Variants in TASP1 observed in about 807,000 individuals in gnomAD.
The protein encoded by TASP1 is threonine aspartase 1.
In TASP1, 16 loss-of-function variants were observed where a neutral mutation model predicts 56.6. The observed-to-expected ratio is 0.28, with a 90% CI of 0.19 to 0.43. The LOEUF is 0.43. Among genes scored for constraint, TASP1 ranks in the 20% least tolerant of loss-of-function variants. TASP1 has a pLI of 1.00. For synonymous variants in TASP1, 179 were observed against 184.2 expected (o/e 0.97, Z 0.23); for missense variants, 393 against 511.6 (o/e 0.77, Z 2.24).
At chr20:13,553,873 A>G (rs550153472) in intron 8 of TASP1, among the ~76,000 whole-genome samples, 11 of 152,288 alleles carry the variant, frequency 7.2e-5, no homozygotes, top group African/African-American at 2.6e-4. Context: ...CAATGTGTCT[A>G]TCCTCAAGCC....
At chr20:13,227,960 T>C in the TASP1 span, among the ~76,000 whole-genome samples, 1 of 85,642 alleles carries the variant, frequency 1.2e-5, no homozygotes, top group Non-Finnish European at 2.4e-5. Context: ...TGCTGCTGCC[T>C]TTTTTTTTTT....
the TASP1 span, among the ~76,000 whole-genome samples, chr20:13,227,817 T>C: frequency 1.3e-5 from 2 of 152,046 alleles, no homozygotes; most frequent in African/African-American, 4.8e-5. Flanking sequence ...CCCAACTTTT[T>C]AATTTAAATA....
the TASP1 span, among the ~76,000 whole-genome samples, chr20:13,246,272 CA>C: frequency 0.39 from 47,611 of 120,844 alleles, 7,899 homozygotes; most frequent in African/African-American, 0.49. Context: ...GACTCCATCT[CA>C]AAAAAAAAAA....
intron 11 of TASP1, among the ~76,000 whole-genome samples, chr20:13,477,478 T>C (rs540342812): frequency 1.3e-5 from 2 of 151,938 alleles, no homozygotes; most frequent in Admixed American, 6.6e-5. Flanking sequence ...TAAAAAAAAA[T>C]GTACCATGAT....
chr20:13,384,159 A>G, the TASP1 span, among the ~76,000 whole-genome samples: 1 of 152,226 alleles, frequency 6.6e-6, no homozygotes, highest in African/African-American at 2.4e-5. Context: ...CATAATAGCG[A>G]CAGTAAAGGT....
At chr20:13,366,341 T>C in the TASP1 span, among the ~76,000 whole-genome samples, 2 of 151,966 alleles carry the variant, frequency 1.3e-5, no homozygotes, top group African/African-American at 4.8e-5. Flanking sequence ...ACAGAAACCA[T>C]CAAAGGATAC....
chr20:13,304,439 A>G, the TASP1 span, among the ~76,000 whole-genome samples: 1 of 152,172 alleles, frequency 6.6e-6, no homozygotes, highest in Non-Finnish European at 1.5e-5. Context: ...CCTTGTCTAT[A>G]AATTGGGGTA....
chr20:13,151,083 C>T, the TASP1 span, among the ~76,000 whole-genome samples: 1 of 152,102 alleles, frequency 6.6e-6, no homozygotes, highest in African/African-American at 2.4e-5. Context: ...CTTACTGTTC[C>T]TATTGTTACT....
At chr20:13,222,551 G>T in the TASP1 span, among the ~76,000 whole-genome samples, 1 of 152,152 alleles carries the variant, frequency 6.6e-6, no homozygotes, top group East Asian at 1.9e-4. Flanking sequence ...TGAAGGCACC[G>T]GTAGTGATTT....
At chr20:13,234,912 A>G in the TASP1 span, among the ~76,000 whole-genome samples, 1 of 152,084 alleles carries the variant, frequency 6.6e-6, no homozygotes. Flanking sequence ...ATTTTTTCCT[A>G]CAGAATCTGT....
chr20:13,128,198 T>A, the TASP1 span, among the ~76,000 whole-genome samples: 1 of 152,264 alleles, frequency 6.6e-6, no homozygotes, highest in Non-Finnish European at 1.5e-5. Flanking sequence ...TTTGCTGTTG[T>A]TTCTGAGGTG....
At chr20:13,575,046 A>T (rs73268983) in intron 6 of TASP1, among the ~76,000 whole-genome samples, 9,210 of 152,270 alleles carry the variant, frequency 0.06, 361 homozygotes, top group Admixed American at 0.13. Flanking sequence ...TCACTCATAA[A>T]CATATATGTA....
chr20:13,593,716 A>G (rs1183225040), intron 4 of TASP1, among the ~76,000 whole-genome samples: 1 of 152,204 alleles, frequency 6.6e-6, no homozygotes, highest in Non-Finnish European at 1.5e-5. Context: ...AACTGGGTGG[A>G]GCCCACCGCA....
intron 1 of TASP1, among the ~76,000 whole-genome samples, chr20:13,638,133 T>C (rs1307012352): frequency 6.6e-6 from 1 of 152,224 alleles, no homozygotes; most frequent in Non-Finnish European, 1.5e-5. Context: ...AGCACTGCTT[T>C]TTGTAAGTGG....
At chr20:13,437,930 C>G (rs894996593) in intron 11 of TASP1, among the ~76,000 whole-genome samples, 2 of 152,176 alleles carry the variant, frequency 1.3e-5, no homozygotes, top group African/African-American at 2.4e-5. Context: ...AATGGCCATA[C>G]TGCCCAAGGT....
At chr20:13,127,780 T>C in the TASP1 span, among the ~76,000 whole-genome samples, 1 of 152,210 alleles carries the variant, frequency 6.6e-6, no homozygotes, top group Non-Finnish European at 1.5e-5. Flanking sequence ...TGCAGGAGGA[T>C]ATTTTTTCCT....
Position 13,587,231 on chromosome 20 carries a change from G to C in TASP1, c.403+19C>G, listed in dbSNP as rs1456734885. The C allele has an allele frequency of 5.6e-6, 9 of 1,593,766 alleles. No homozygotes were observed. In the East Asian group the frequency reaches 1.8e-4, roughly 32 times the overall value. Reference sequence around the variant, plus strand: ...CGTGCATGATTTTCCAAAGATAGTAGGTCATAATGCCCACATACCACTCAG... The same window carrying C: ...CGTGCATGATTTTCCAAAGATAGTACGTCATAATGCCCACATACCACTCAG... On this transcript the variant is annotated intron_variant, in intron 5 of 13. Coordinates refer to ENST00000337743, the MANE Select transcript of TASP1 (RefSeq NM_017714.3).
chr20:13,287,331 C>T, the TASP1 span, among the ~76,000 whole-genome samples: 3 of 152,126 alleles, frequency 2.0e-5, no homozygotes, highest in Non-Finnish European at 4.4e-5. Flanking sequence ...CATCAGATCT[C>T]GTGAGACTTA....
chr20:13,597,226 CAGA>C (rs1270289341), intron 4 of TASP1, among the ~76,000 whole-genome samples: 4 of 152,258 alleles, frequency 2.6e-5, no homozygotes, highest in East Asian at 3.9e-4. Flanking sequence ...GGAGACACAA[CAGA>C]AGAAGAGGAT....
Sources: gnomAD v4.1 joint callset for allele counts (sites outside exome capture counted in the v4.1 genomes callset) on GRCh38, gnomAD v4.1.1 for gene constraint, MANE v1.5 for transcripts, NCBI Gene and HGNC (gene_info 2026-07-23, HGNC 2026-07-21) for gene names.